The following MAGI2 variants were observed in gnomAD, a reference collection of about 807,000 sequenced individuals.
MAGI2 encodes membrane associated guanylate kinase, WW and PDZ domain containing 2.
MAGI2 carries 35 observed loss-of-function variants against 133.3 expected under a neutral mutation model. That is an observed-to-expected ratio of 0.26 (90% CI 0.20 to 0.35). The LOEUF is 0.35. MAGI2 is among the 10% of genes least tolerant of loss of function. The probability of loss-of-function intolerance (pLI) is 1.00; values close to 1 mark genes in which losing one functional copy is unlikely to be tolerated. For synonymous variants in MAGI2, 729 were observed against 710.6 expected, an observed-to-expected ratio of 1.03 and a Z score of -0.41; for missense variants, 1,636 against 1,863.4, an observed-to-expected ratio of 0.88 and a Z score of 2.25.
chr7:78,814,404 C>A (rs530070177), intron 2 of MAGI2, among the ~76,000 whole-genome samples: 1 of 152,234 alleles, frequency 6.6e-6, no homozygotes. Flanking sequence ...TAGTCTACAC[C>A]CGTATCTACC....
At chr7:79,429,448 G>T (rs7801286) in intron 1 of MAGI2, among the ~76,000 whole-genome samples, 2 of 151,666 alleles carry the variant, frequency 1.3e-5, no homozygotes, top group Admixed American at 1.3e-4. Flanking sequence ...GATTTCAGGC[G>T]TGTGCCACCA....
intron 13 of MAGI2, among the ~76,000 whole-genome samples, chr7:78,183,663 C>G (rs1320405838): frequency 6.6e-6 from 1 of 152,016 alleles, no homozygotes; most frequent in African/African-American, 2.4e-5. Context: ...TTCCTGGGTT[C>G]AAGCCATTTT....
chr7:78,818,838 G>C (rs951997910), intron 2 of MAGI2, among the ~76,000 whole-genome samples: 4 of 152,010 alleles, frequency 2.6e-5, no homozygotes, highest in African/African-American at 9.7e-5. Context: ...CTAAAAACTT[G>C]AGACTGAGAA....
At chr7:79,144,087 C>T (rs1822387193) in intron 1 of MAGI2, among the ~76,000 whole-genome samples, 1 of 152,156 alleles carries the variant, frequency 6.6e-6, no homozygotes, top group South Asian at 2.1e-4. Context: ...TAAAGTGGGA[C>T]AATCATTGTA....
chr7:79,145,833 T>A (rs1021011258), intron 1 of MAGI2, among the ~76,000 whole-genome samples: 30 of 152,206 alleles, frequency 2.0e-4, no homozygotes, highest in African/African-American at 7.0e-4. Flanking sequence ...AATTCATGAT[T>A]AAGGAATTTG....
At chr7:78,506,333 G>A (rs182001100) in intron 4 of MAGI2, among the ~76,000 whole-genome samples, 38 of 152,240 alleles carry the variant, frequency 2.5e-4, no homozygotes, top group African/African-American at 8.9e-4. Context: ...TGGGCACACT[G>A]AGTTAGAGGT....
intron 1 of MAGI2, among the ~76,000 whole-genome samples, chr7:79,171,770 A>ATATATATATATT: frequency 1.3e-4 from 4 of 31,220 alleles, no homozygotes; most frequent in Admixed American, 4.0e-4. Flanking sequence ...ATATATATAT[A>ATATATATATATT]TTTTTTTTTT....
At chr7:79,310,078 T>C (rs989071482) in intron 1 of MAGI2, among the ~76,000 whole-genome samples, 5 of 143,330 alleles carry the variant, frequency 3.5e-5, no homozygotes, top group African/African-American at 1.3e-4. Context: ...GCAGAAGAAT[T>C]GCTTGAACCC....
intron 16 of MAGI2, among the ~76,000 whole-genome samples, chr7:78,137,069 T>C (rs974661392): frequency 1.1e-4 from 16 of 151,692 alleles, no homozygotes; most frequent in Admixed American, 8.6e-4. Flanking sequence ...TTTTTTCAAG[T>C]AGAAATATAA....
At chr7:78,823,048 G>T (rs1262178054) in intron 2 of MAGI2, among the ~76,000 whole-genome samples, 1 of 152,068 alleles carries the variant, frequency 6.6e-6, no homozygotes, top group Admixed American at 6.5e-5. Flanking sequence ...ACAGTGGAGA[G>T]CACGGTCATT....
At position 78,801,733 on chromosome 7, in the gene MAGI2, T is replaced by A. The variant is rs1477949361; in HGVS notation, c.419-174494A>T. 2.6e-5 allele frequency among the ~76,000 whole-genome samples: 4 copies of A among 152,192 alleles called. No individual in the cohort carries two copies. The South Asian group carries it at 6.2e-4, about 24-fold the overall frequency. On this transcript the variant is annotated intron_variant, in intron 2 of 21. Coordinates refer to ENST00000354212, the MANE Select transcript of MAGI2 (RefSeq NM_012301.4). ...TGTAAAGCAGGGACTTCAATTTTTTTAAGTTACCATATATCAAGCACTTTC... is the reference window on the plus strand; with the variant it reads ...TGTAAAGCAGGGACTTCAATTTTTTAAAGTTACCATATATCAAGCACTTTC...
intron 1 of MAGI2, among the ~76,000 whole-genome samples, chr7:79,109,899 C>A (rs143598108): frequency 1.5e-3 from 227 of 151,764 alleles, no homozygotes; most frequent in African/African-American, 5.3e-3. Flanking sequence ...AGTATGATCA[C>A]AAAGGTCCAG....
chr7:78,914,667 A>G (rs1291709339), intron 2 of MAGI2, among the ~76,000 whole-genome samples: 2 of 152,206 alleles, frequency 1.3e-5, no homozygotes, highest in South Asian at 2.1e-4. Flanking sequence ...CTCCTGATTC[A>G]TGAATTTTCT....
chr7:78,069,188 G>A (rs970441178), intron 21 of MAGI2, among the ~76,000 whole-genome samples: 2 of 152,174 alleles, frequency 1.3e-5, no homozygotes, highest in Non-Finnish European at 2.9e-5. Context: ...AGGCTGAAGG[G>A]GTGGGGCACA....
chr7:78,961,867 G>GCCT lies in MAGI2; in HGVS notation c.418+45220_418+45222dup, dbSNP rs1802873599. 2.0e-5 allele frequency among the ~76,000 whole-genome samples: 3 copies of GCCT among 151,848 alleles called. No individual in the cohort carries two copies. The South Asian group carries it at 6.2e-4, about 32-fold the overall frequency. ...TACTTACACAAACCTAGATGGTATA[G>GCCT]CCTACTATACCCCTAGGCTATATGG... On this transcript the variant is annotated intron_variant, in intron 2 of 21. Coordinates refer to ENST00000354212, the MANE Select transcript of MAGI2 (RefSeq NM_012301.4).
intron 1 of MAGI2, among the ~76,000 whole-genome samples, chr7:79,126,182 AG>A (rs1475699548): frequency 6.6e-6 from 1 of 152,202 alleles, no homozygotes; most frequent in East Asian, 1.9e-4. Context: ...AGGAAGATGA[AG>A]TAATGGGGAC....
chr7:79,181,200 G>C (rs1485933139), intron 1 of MAGI2, among the ~76,000 whole-genome samples: 1 of 151,930 alleles, frequency 6.6e-6, no homozygotes, highest in Non-Finnish European at 1.5e-5. Flanking sequence ...CTCTGTGTGG[G>C]GGCTCTGACC....
intron 2 of MAGI2, among the ~76,000 whole-genome samples, chr7:78,899,834 C>G (rs187831215): frequency 2.6e-5 from 4 of 152,232 alleles, no homozygotes; most frequent in African/African-American, 7.2e-5. Context: ...TAAAGAATTA[C>G]CAATGGGCAA....
intron 21 of MAGI2, among the ~76,000 whole-genome samples, chr7:78,046,445 A>G (rs77840262): frequency 0.057 from 8,546 of 149,068 alleles, 304 homozygotes; most frequent in Middle Eastern, 0.069. Context: ...CCAGTATCAC[A>G]CCCAGTGAAA....
Sources: allele counts gnomAD v4.1 joint callset (sites outside exome capture counted in the v4.1 genomes callset), GRCh38; gene constraint gnomAD v4.1.1; transcripts MANE v1.5; gene names NCBI Gene and HGNC (gene_info 2026-07-23, HGNC 2026-07-21).